The following CLTA variants were observed in gnomAD, a reference collection of about 807,000 sequenced individuals.
The protein encoded by CLTA is clathrin, light polypeptide (Lca).
Under a neutral mutation model 26.9 loss-of-function variants are expected in CLTA, and 9 were observed. That is an observed-to-expected ratio of 0.33 (90% CI 0.20 to 0.58). The LOEUF (loss-of-function observed/expected upper bound fraction) is 0.58, where lower values mean the gene tolerates loss of function less well. Ranked by LOEUF, CLTA falls within the 20% of genes least tolerant of loss-of-function variation. CLTA has a pLI of 0.85. For missense variants in CLTA, 278 were observed against 294.2 expected (o/e 0.94, Z 0.40); for synonymous variants, 120 against 115.5 (o/e 1.04, Z -0.25).
chr9:36,197,873 C>T (rs936612193), intron 2 of CLTA, among the ~76,000 whole-genome samples: 4 of 152,016 alleles, frequency 2.6e-5, no homozygotes, highest in Admixed American at 6.5e-5. Flanking sequence ...AATACTAATA[C>T]TTTAAATAAT....
At chr9:36,199,249 A>G (rs1255377060) in intron 3 of CLTA, among the ~76,000 whole-genome samples, 153 bp downstream of exon 3, 1 of 152,142 alleles carries the variant, frequency 6.6e-6, no homozygotes, top group African/African-American at 2.4e-5. Context: ...GGCTACCTGC[A>G]CAGAGATGCC....
At chr9:36,204,282 A>G in intron 4 of CLTA, 103 bp downstream of exon 4, 2 of 1,266,562 alleles carry the variant, frequency 1.6e-6, no homozygotes, top group Non-Finnish European at 2.2e-6. Flanking sequence ...TTTAGTGTGA[A>G]ATGTCTGCAG....
At chr9:36,198,947 A>T in intron 2 of CLTA, 32 bp from the exon 3 acceptor site, 1 of 1,451,722 alleles carries the variant, frequency 6.9e-7, no homozygotes, top group Non-Finnish European at 9.6e-7. Context: ...AATTTTTGGT[A>T]TTAATATAGC....
intron 2 of CLTA, among the ~76,000 whole-genome samples, chr9:36,198,444 G>A (rs990523558): frequency 2.6e-5 from 4 of 151,766 alleles, no homozygotes; most frequent in Non-Finnish European, 4.4e-5. Context: ...TGGGAGGCTG[G>A]GGTGGGTGGA....
At chr9:36,210,769 C>A in intron 4 of CLTA, 2 of 1,271,900 alleles carry the variant, frequency 1.6e-6, no homozygotes, top group South Asian at 1.2e-5. Context: ...TGTGATAGTG[C>A]CACCCCTCCG....
intron 3 of CLTA, among the ~76,000 whole-genome samples, chr9:36,202,802 G>A (rs1311310314): frequency 6.6e-6 from 1 of 151,876 alleles, no homozygotes; most frequent in Non-Finnish European, 1.5e-5. Context: ...TGCCTCAGTA[G>A]CTATGACATG....
At chr9:36,198,897 ACC>A in intron 2 of CLTA, 80 bp from the exon 3 acceptor site, 2 of 909,556 alleles carry the variant, frequency 2.2e-6, no homozygotes, top group East Asian at 2.6e-5. Flanking sequence ...AAAAAACAGA[ACC>A]AGGGGTTCTA....
chr9:36,209,238 G>A (rs1290338574), intron 4 of CLTA: 3 of 1,612,842 alleles, frequency 1.9e-6, no homozygotes, highest in Non-Finnish European at 2.5e-6. Flanking sequence ...CTGCCTGCTT[G>A]CCTGCCTTTT....
Position 36,199,542 on chromosome 9 carries a change from C to T in CLTA, c.373+446C>T, listed in dbSNP as rs138615647. The stretch of plus-strand genomic sequence containing the variant: ...TCGGCTCATTGCAAGCTCTGCCTCC[C>T]GGGTTCACACCATTCTCCTGCCCTC... On this transcript the variant is annotated intron_variant, in intron 3 of 4. Coordinates refer to ENST00000345519, the MANE Select transcript of CLTA (RefSeq NM_001833.4). Among the ~76,000 whole-genome samples, 25 of 151,172 alleles carry T rather than the reference C, an allele frequency of 1.7e-4. 1 individual carries two copies. The East Asian group carries it at 4.5e-3, about 27-fold the overall frequency.
intron 4 of CLTA, among the ~76,000 whole-genome samples, chr9:36,206,486 C>T (rs938778503): frequency 6.6e-6 from 1 of 152,198 alleles, no homozygotes; most frequent in African/African-American, 2.4e-5. Context: ...TACTCCCCCT[C>T]TCCATCCATG....
intron 1 of CLTA, among the ~76,000 whole-genome samples, chr9:36,196,404 T>G (rs1827047599): frequency 6.7e-6 from 1 of 149,546 alleles, no homozygotes; most frequent in East Asian, 2.0e-4. Flanking sequence ...TGGAGTGCAG[T>G]GGCGCGATCT....
intron 4 of CLTA, among the ~76,000 whole-genome samples, 194 bp downstream of exon 4, chr9:36,204,373 A>C (rs1827598771): frequency 6.6e-6 from 1 of 152,200 alleles, no homozygotes; most frequent in Non-Finnish European, 1.5e-5. Context: ...TAGCCATCCC[A>C]ATTGTAGTGA....
chr9:36,198,170 G>C (rs1827165544), intron 2 of CLTA, among the ~76,000 whole-genome samples: 1 of 151,452 alleles, frequency 6.6e-6, no homozygotes, highest in Non-Finnish European at 1.5e-5. Flanking sequence ...CTAATTTTTT[G>C]TATTTTTAGT....
chr9:36,191,056 C>T lies in CLTA; in HGVS notation c.-1C>T. ...GTGTCCGTGCCGTTCAGTTGCCCGC[C>T]ATGGCTGAGCTGGATCCGTTCGGCG... On this transcript the variant is annotated 5_prime_UTR_variant, in exon 1 of 5. Coordinates refer to ENST00000345519, the MANE Select transcript of CLTA (RefSeq NM_001833.4). The T allele has an allele frequency of 6.5e-7, 1 of 1,543,242 alleles. No homozygotes were observed.
At chr9:36,199,640 G>A (rs1049233250) in intron 3 of CLTA, among the ~76,000 whole-genome samples, 2 of 150,970 alleles carry the variant, frequency 1.3e-5, no homozygotes, top group African/African-American at 4.9e-5. Context: ...ATTTTTAGTA[G>A]AGACAGGGTT....
At chr9:36,198,774 G>C (rs1827213635) in intron 2 of CLTA, among the ~76,000 whole-genome samples, 1 of 150,326 alleles carries the variant, frequency 6.7e-6, no homozygotes, top group Non-Finnish European at 1.5e-5. Context: ...TCGGGAGGCT[G>C]AGGCAGGAGA....
intron 4 of CLTA, among the ~76,000 whole-genome samples, chr9:36,210,144 G>T (rs1827958685): frequency 6.7e-6 from 1 of 148,838 alleles, no homozygotes; most frequent in African/African-American, 2.5e-5. Context: ...TATCAAAGCA[G>T]TATTGCTGAA....
In CLTA at chr9:36,199,056, TA is replaced by T; in HGVS notation, c.336del (p.Lys112AsnfsTer29). 1 of 1,613,858 alleles carries T rather than the reference TA, an allele frequency of 6.2e-7. No homozygotes were observed. Among genetic ancestry groups the T allele is most frequent in the East Asian group, 2.2e-5 (1 of 44,880 alleles). ...RLQSEPESIR[K>X]WREEQMERLE... ...TGCAGTCAGAGCCTGAAAGTATCCGTAAATGGAGAGAAGAACAAATGGAACG... is the reference window on the plus strand; with the variant it reads ...TGCAGTCAGAGCCTGAAAGTATCCGTAATGGAGAGAAGAACAAATGGAACG... On this transcript the variant is annotated frameshift_variant, in exon 3 of 5. Coordinates refer to ENST00000345519, the MANE Select transcript of CLTA (RefSeq NM_001833.4). LOFTEE classifies it high-confidence loss of function.
At chr9:36,195,255 A>G (rs1332000788) in intron 1 of CLTA, among the ~76,000 whole-genome samples, 1 of 152,246 alleles carries the variant, frequency 6.6e-6, no homozygotes, top group African/African-American at 2.4e-5. Flanking sequence ...ATAAAAGCAG[A>G]TACAGAAATC....
Sources: gnomAD v4.1 joint callset for allele counts (sites outside exome capture counted in the v4.1 genomes callset) on GRCh38, gnomAD v4.1.1 for gene constraint, MANE v1.5 for transcripts, NCBI Gene and HGNC (gene_info 2026-07-23, HGNC 2026-07-21) for gene names.